The following ZDHHC14 variants were observed in gnomAD, a reference collection of about 807,000 sequenced individuals.
ZDHHC14 encodes the protein palmitoyltransferase ZDHHC14.
A neutral mutation model predicts 47.7 loss-of-function variants in ZDHHC14; 16 were observed. The ratio of observed to expected loss-of-function variants is 0.34; its 90% CI spans 0.23 to 0.51. The LOEUF (loss-of-function observed/expected upper bound fraction) is 0.51. Ranked by LOEUF, ZDHHC14 falls within the 20% of genes least tolerant of loss-of-function variation. ZDHHC14 has a pLI of 0.97. For synonymous variants in ZDHHC14, 293 were observed against 278.9 expected (o/e 1.05, Z -0.50); for missense variants, 515 against 662.5 (o/e 0.78, Z 2.44).
chr6:157,517,993 C>A (rs542044625), intron 1 of ZDHHC14, among the ~76,000 whole-genome samples: 1 of 152,170 alleles, frequency 6.6e-6, no homozygotes, highest in Non-Finnish European at 1.5e-5. Context: ...GGATGCACGT[C>A]CCCAGCCCCC....
intron 2 of ZDHHC14, among the ~76,000 whole-genome samples, chr6:157,570,268 A>G (rs1161692012): frequency 2.6e-5 from 4 of 152,260 alleles, no homozygotes. Context: ...TGGCCCTGCC[A>G]TAGCGTGGTA....
At chr6:157,489,359 C>T (rs367720629) in intron 1 of ZDHHC14, among the ~76,000 whole-genome samples, 5 of 152,150 alleles carry the variant, frequency 3.3e-5, no homozygotes, top group South Asian at 2.1e-4. Context: ...GAGAAAATCC[C>T]GACAAGAAGT....
At chr6:157,651,543 A>G (rs1281788201) in intron 7 of ZDHHC14, among the ~76,000 whole-genome samples, 2 of 150,206 alleles carry the variant, frequency 1.3e-5, no homozygotes, top group Non-Finnish European at 2.9e-5. Flanking sequence ...CTTTCTGCAC[A>G]GTTCAACCCG....
chr6:157,523,685 C>G (rs988340765), intron 1 of ZDHHC14, among the ~76,000 whole-genome samples: 1 of 149,772 alleles, frequency 6.7e-6, no homozygotes, highest in African/African-American at 2.5e-5. Context: ...CACTGGAGCC[C>G]AGGAGTTCGA....
chr6:157,465,625 A>C (rs1235591187), intron 1 of ZDHHC14, among the ~76,000 whole-genome samples: 1 of 152,084 alleles, frequency 6.6e-6, no homozygotes, highest in East Asian at 1.9e-4. Flanking sequence ...AGAAATCTTC[A>C]AGGTCAGTCT....
At chr6:157,562,159 G>A (rs867669427) in intron 2 of ZDHHC14, among the ~76,000 whole-genome samples, 7 of 152,196 alleles carry the variant, frequency 4.6e-5, no homozygotes, top group East Asian at 1.9e-4. Context: ...GCCTGGGGGC[G>A]TAGGGGCTGT....
chr6:157,411,853 A>G (rs1777876123), intron 1 of ZDHHC14, among the ~76,000 whole-genome samples: 1 of 151,780 alleles, frequency 6.6e-6, no homozygotes, highest in South Asian at 2.1e-4. Flanking sequence ...TTGGTGCATT[A>G]GTGTGACATC....
At chr6:157,482,886 G>T (rs939315465) in intron 1 of ZDHHC14, among the ~76,000 whole-genome samples, 1 of 152,080 alleles carries the variant, frequency 6.6e-6, no homozygotes, top group Admixed American at 6.6e-5. Flanking sequence ...GGGATTACAG[G>T]CATGCTCCAC....
intron 1 of ZDHHC14, among the ~76,000 whole-genome samples, chr6:157,437,663 G>A (rs898541098): frequency 6.6e-6 from 1 of 152,162 alleles, no homozygotes; most frequent in African/African-American, 2.4e-5. Context: ...TTTCCTGTCA[G>A]GGTAAAATAG....
intron 3 of ZDHHC14, among the ~76,000 whole-genome samples, chr6:157,620,907 TG>T (rs1785162240): frequency 6.6e-6 from 1 of 152,190 alleles, no homozygotes; most frequent in African/African-American, 2.4e-5. Context: ...ACCTGCAAAA[TG>T]GGAATAATAA....
chr6:157,434,767 G>T (rs1418615998), intron 1 of ZDHHC14, among the ~76,000 whole-genome samples: 1 of 152,152 alleles, frequency 6.6e-6, no homozygotes, highest in East Asian at 1.9e-4. Flanking sequence ...ACAAGGCTGC[G>T]CCAGTGCCCT....
intron 2 of ZDHHC14, among the ~76,000 whole-genome samples, chr6:157,572,533 G>A (rs957096308): frequency 6.6e-6 from 1 of 151,722 alleles, no homozygotes. Flanking sequence ...TAGGGTACAT[G>A]TGCACAACGT....
intron 1 of ZDHHC14, among the ~76,000 whole-genome samples, chr6:157,440,425 T>C (rs892725658): frequency 2.6e-5 from 4 of 152,106 alleles, no homozygotes; most frequent in South Asian, 2.1e-4. Context: ...TATGAGGACA[T>C]AGAGAAACTA....
intron 1 of ZDHHC14, among the ~76,000 whole-genome samples, chr6:157,468,408 A>G (rs1362923391): frequency 6.6e-6 from 1 of 152,242 alleles, no homozygotes; most frequent in Non-Finnish European, 1.5e-5. Flanking sequence ...TATAGAGGAC[A>G]TGCTTACACA....
At chr6:157,599,014 T>C (rs1485040328) in intron 3 of ZDHHC14, among the ~76,000 whole-genome samples, 1 of 152,220 alleles carries the variant, frequency 6.6e-6, no homozygotes, top group African/African-American at 2.4e-5. Context: ...TTATAAATCT[T>C]TGTAAAGAAG....
intron 1 of ZDHHC14, among the ~76,000 whole-genome samples, chr6:157,382,522 C>T (rs1777234973): frequency 6.6e-6 from 1 of 152,140 alleles, no homozygotes; most frequent in Admixed American, 6.5e-5. Context: ...CCTTGCCAAT[C>T]CAGGTGGCGG....
chr6:157,465,202 A>G (rs929946654), intron 1 of ZDHHC14, among the ~76,000 whole-genome samples: 70 of 151,604 alleles, frequency 4.6e-4, no homozygotes, highest in Admixed American at 4.6e-3. Context: ...AAAAACACAA[A>G]CATGTTCAGT....
chr6:157,414,011 A>G (rs546124768), intron 1 of ZDHHC14, among the ~76,000 whole-genome samples: 5 of 152,238 alleles, frequency 3.3e-5, no homozygotes, highest in Admixed American at 2.6e-4. Flanking sequence ...ATTTTGGCTC[A>G]CCATAACCTC....
At chr6:157,490,025 C>T (rs111400059) in intron 1 of ZDHHC14, among the ~76,000 whole-genome samples, 2,302 of 152,192 alleles carry the variant, frequency 0.015, 39 homozygotes, top group East Asian at 0.05. Flanking sequence ...GAGGTGGAAT[C>T]TTCTGATGTT....
Sources: allele counts gnomAD v4.1 joint callset (sites outside exome capture counted in the v4.1 genomes callset), GRCh38; gene constraint gnomAD v4.1.1; transcripts MANE v1.5; gene names NCBI Gene and HGNC (gene_info 2026-07-23, HGNC 2026-07-21).